Variants in DLC1 observed in about 807,000 individuals in gnomAD.
DLC1 encodes DLC1 Rho GTPase activating protein, also known as rho GTPase-activating protein 7.
In DLC1, 54 loss-of-function variants were observed where a neutral mutation model predicts 140.3. The ratio of observed to expected loss-of-function variants is 0.38; its 90% CI spans 0.31 to 0.48. The LOEUF (loss-of-function observed/expected upper bound fraction) is 0.48, where lower values mean the gene tolerates loss of function less well. DLC1 is among the 20% of genes least tolerant of loss of function. The pLI, the probability that DLC1 is intolerant of heterozygous loss-of-function variation, is 0.96. For missense variants in DLC1, 2,536 were observed against 1,907.0 expected, an observed-to-expected ratio of 1.33 and a Z score of -6.14; for synonymous variants, 986 against 728.1, an observed-to-expected ratio of 1.35 and a Z score of -5.70.
At chr8:13,231,016 T>G (rs181229858) in intron 5 of DLC1, among the ~76,000 whole-genome samples, 1 of 152,236 alleles carries the variant, frequency 6.6e-6, no homozygotes, top group Admixed American at 6.5e-5. Flanking sequence ...GGCGGGTAAC[T>G]GTGTCACACA....
chr8:13,391,745 C>G (rs1836771813), intron 4 of DLC1, among the ~76,000 whole-genome samples: 1 of 152,162 alleles, frequency 6.6e-6, no homozygotes, highest in Non-Finnish European at 1.5e-5. Flanking sequence ...CACTCAGTCA[C>G]TGAAATGTGT....
intron 4 of DLC1, among the ~76,000 whole-genome samples, chr8:13,321,348 G>A (rs902605011): frequency 3.3e-5 from 5 of 151,826 alleles, no homozygotes; most frequent in African/African-American, 1.2e-4. Flanking sequence ...GACCATCCTG[G>A]TCAACATGGT....
At chr8:13,363,406 C>G (rs1486978407) in intron 4 of DLC1, among the ~76,000 whole-genome samples, 1 of 148,568 alleles carries the variant, frequency 6.7e-6, no homozygotes. Flanking sequence ...TGGTGTCCAT[C>G]AGAACCTAGC....
At position 13,218,933 on chromosome 8, in the gene DLC1, C is replaced by T. The variant is rs1382115246; in HGVS notation, c.1348+86336G>A. 5.6e-4 allele frequency among the ~76,000 whole-genome samples: 25 copies of T among 45,042 alleles called. 2 individuals are homozygous for T. The highest frequency in any genetic ancestry group is 1.7e-3 in the African/African-American group (12 of 6,912). 29.5% of individuals were successfully genotyped at this position (45,042 alleles called of 152,430 possible). On this transcript the variant is annotated intron_variant, in intron 5 of 17. Transcript: ENST00000276297. ...GAATATATAATTATATAATTACGTA[C>T]GAATATGATTATATAATTATATACG...
intron 5 of DLC1, among the ~76,000 whole-genome samples, chr8:13,262,389 AT>A (rs879831802): frequency 3.9e-4 from 57 of 146,666 alleles, no homozygotes; most frequent in Middle Eastern, 3.5e-3. Flanking sequence ...AAAACTCTCA[AT>A]TTTTTTTTTT....
chr8:13,282,460 T>C (rs1448795850), intron 5 of DLC1, among the ~76,000 whole-genome samples: 2 of 152,188 alleles, frequency 1.3e-5, no homozygotes, highest in East Asian at 1.9e-4. Flanking sequence ...TTGCAATTTC[T>C]ATAGAAAAAT....
At chr8:13,300,492 C>T (rs1277787457) in intron 5 of DLC1, among the ~76,000 whole-genome samples, 1 of 152,148 alleles carries the variant, frequency 6.6e-6, no homozygotes, top group Non-Finnish European at 1.5e-5. Context: ...CTCATTGTCC[C>T]ACCATCCCCC....
chr8:13,583,567 A>G (rs1805192665), intron 1 of DLC1, among the ~76,000 whole-genome samples: 1 of 152,226 alleles, frequency 6.6e-6, no homozygotes, highest in African/African-American at 2.4e-5. Flanking sequence ...TTTTTCCAAT[A>G]GGTAAAAAAA....
At chr8:13,456,321 A>G (rs1320332366) in intron 2 of DLC1, among the ~76,000 whole-genome samples, 2 of 152,228 alleles carry the variant, frequency 1.3e-5, no homozygotes, top group Non-Finnish European at 2.9e-5. Flanking sequence ...ATACCAGCCA[A>G]TAGTTTCATA....
At chr8:13,498,835 T>A in intron 2 of DLC1, 1 of 530,248 alleles carries the variant, frequency 1.9e-6, no homozygotes, top group Non-Finnish European at 3.2e-6. Flanking sequence ...CATAAACCAT[T>A]ATACACATTA....
chr8:13,588,433 A>G (rs1310198203), intron 1 of DLC1, among the ~76,000 whole-genome samples: 1 of 152,104 alleles, frequency 6.6e-6, no homozygotes, highest in Non-Finnish European at 1.5e-5. Flanking sequence ...CCAGAGAAAG[A>G]GAGCAGAGAC....
chr8:13,398,825 T>G (rs1837167044), intron 3 of DLC1, among the ~76,000 whole-genome samples: 1 of 152,108 alleles, frequency 6.6e-6, no homozygotes, highest in Non-Finnish European at 1.5e-5. Flanking sequence ...GCAACACATC[T>G]TTGATTGATG....
intron 2 of DLC1, among the ~76,000 whole-genome samples, chr8:13,461,286 C>T (rs1206788972): frequency 6.6e-6 from 1 of 152,230 alleles, no homozygotes; most frequent in Non-Finnish European, 1.5e-5. Context: ...ATTTGTATCC[C>T]ATACCAATGT....
intron 2 of DLC1, among the ~76,000 whole-genome samples, chr8:13,450,718 T>A (rs1799000071): frequency 6.6e-6 from 1 of 151,924 alleles, no homozygotes; most frequent in Non-Finnish European, 1.5e-5. Context: ...TCAACATAGT[T>A]CTCCAAATCA....
At chr8:13,253,476 G>A (rs1198922480) in intron 5 of DLC1, among the ~76,000 whole-genome samples, 1 of 151,918 alleles carries the variant, frequency 6.6e-6, no homozygotes, top group Non-Finnish European at 1.5e-5. Context: ...GTTTAGATAT[G>A]TGCATAGGTG....
chr8:13,367,659 C>T (rs977702788), intron 4 of DLC1, among the ~76,000 whole-genome samples: 3 of 152,136 alleles, frequency 2.0e-5, no homozygotes, highest in African/African-American at 4.8e-5. Flanking sequence ...ATATCAGGCA[C>T]TTTGTGATGT....
intron 5 of DLC1, among the ~76,000 whole-genome samples, chr8:13,153,130 G>A (rs1471629355): frequency 6.6e-6 from 1 of 152,034 alleles, no homozygotes; most frequent in African/African-American, 2.4e-5. Flanking sequence ...GCGGACCCGC[G>A]CAGTGAGTGT....
chr8:13,569,510 A>G (rs1017115131), intron 1 of DLC1, among the ~76,000 whole-genome samples: 1 of 152,152 alleles, frequency 6.6e-6, no homozygotes, highest in African/African-American at 2.4e-5. Context: ...TTCATGTTTT[A>G]CATAATCAAA....
At chr8:13,539,825 A>G (rs56390838) in intron 1 of DLC1, among the ~76,000 whole-genome samples, 16,339 of 151,838 alleles carry the variant, frequency 0.11, 1,144 homozygotes, top group Non-Finnish European at 0.14. Context: ...TGAGTCAATT[A>G]TTTCTAAATA....
Sources: allele counts gnomAD v4.1 joint callset (sites outside exome capture counted in the v4.1 genomes callset), GRCh38; gene constraint gnomAD v4.1.1; transcripts MANE v1.5; gene names NCBI Gene and HGNC (gene_info 2026-07-23, HGNC 2026-07-21).